AP1AR: variants seen among roughly 807,000 people sequenced by gnomAD.
AP1AR encodes the protein AP-1 complex-associated regulatory protein.
AP1AR carries 29 observed loss-of-function variants against 46.3 expected under a neutral mutation model. The ratio of observed to expected loss-of-function variants is 0.63; its 90% confidence interval spans 0.47 to 0.85. The LOEUF (loss-of-function observed/expected upper bound fraction) is 0.85. Among genes scored for constraint, AP1AR ranks in the 40% least tolerant of loss-of-function variants. AP1AR has a pLI of 0.00. For synonymous variants in AP1AR, 122 were observed against 122.9 expected, an observed-to-expected ratio of 0.99 and a Z score of 0.05; for missense variants, 357 against 356.3, an observed-to-expected ratio of 1.00 and a Z score of -0.02.
intron 1 of AP1AR, 101 bp downstream of exon 1, chr4:112,232,275 C>G (rs1209209864): frequency 3.4e-5 from 35 of 1,026,054 alleles, no homozygotes; most frequent in Non-Finnish European, 4.4e-5. Context: ...AGGTGGCGGT[C>G]GAGAGCCCTG....
At position 112,270,735 on chromosome 4, in the gene AP1AR, A is replaced by C. The variant is rs1364767744; in HGVS notation, c.*2326A>C. Reference sequence around the variant, plus strand: ...AATGAAGCATCATGAGTGAGGGGGAAGAGTGGTATGAGATGATACTGGAGT... The same window carrying C: ...AATGAAGCATCATGAGTGAGGGGGACGAGTGGTATGAGATGATACTGGAGT... On this transcript the variant is annotated 3_prime_UTR_variant, in exon 10 of 10. Transcript: ENST00000274000. Among the ~76,000 whole-genome samples the C allele has an allele frequency of 6.6e-6, 1 of 152,206 alleles. No individual in the cohort carries two copies. The highest frequency in any genetic ancestry group is 1.5e-5 in the Non-Finnish European group (1 of 68,028).
chr4:112,238,762 C>T lies in AP1AR; in HGVS notation c.83+6588C>T, dbSNP rs141450847. On this transcript the variant is annotated intron_variant, in intron 1 of 9. Coordinates refer to ENST00000274000, the MANE Select transcript of AP1AR (RefSeq NM_018569.6). Reference sequence around the variant, plus strand: ...CCTACTACTTATATGCTAATAAGTTCAGTCATCTCAGTCTGAGCTCTGAAA... The same window carrying T: ...CCTACTACTTATATGCTAATAAGTTTAGTCATCTCAGTCTGAGCTCTGAAA... Among the ~76,000 whole-genome samples, 964 of 152,254 alleles carry T rather than the reference C, an allele frequency of 6.3e-3. 4 individuals carry two copies. Among genetic ancestry groups the T allele is most frequent in the African/African-American group, 0.017 (717 of 41,544 alleles).
Position 112,232,147 on chromosome 4 carries a change from G to A in AP1AR, c.56G>A (p.Arg19Gln). The A allele has an allele frequency of 7.8e-7, 1 of 1,282,140 alleles. No homozygotes were observed. Among genetic ancestry groups the A allele is most frequent in the South Asian group, 2.7e-5 (1 of 36,790 alleles). The allele number at this position is 1,282,140 out of a possible 1,614,324, so 79.4% of individuals were successfully genotyped here. Residue 19 changes from arginine to glutamine, a missense_variant, in exon 1 of 10, where the codon CGG becomes CAG. Around this residue, in one of 2 missense-constraint regions of AP1AR, gnomAD observed 269 missense variants for 223.6 expected, o/e 1.20. Coordinates refer to ENST00000274000, the MANE Select transcript of AP1AR (RefSeq NM_018569.6). ...CFGLLRKEAG[R>Q]LQRVGGGGGS... ...GGACTGCTTCGCAAGGAAGCGGGGCGGCTGCAGCGAGTAGGCGGCGGCGGA... is the reference window on the plus strand; with the variant it reads ...GGACTGCTTCGCAAGGAAGCGGGGCAGCTGCAGCGAGTAGGCGGCGGCGGA...
chr4:112,253,336 T>G, intron 2 of AP1AR, 80 bp downstream of exon 2: 1 of 1,021,242 alleles, frequency 9.8e-7, no homozygotes, highest in African/African-American at 1.6e-5. Context: ...GAGGGAAAGA[T>G]CTGGACCCAA....
intron 4 of AP1AR, among the ~76,000 whole-genome samples, chr4:112,259,717 T>A (rs1433645904): frequency 2.0e-5 from 3 of 152,078 alleles, no homozygotes; most frequent in Non-Finnish European, 4.4e-5. Context: ...AGGTACTAAT[T>A]GATAGAACAA....
intron 1 of AP1AR, 99 bp downstream of exon 1, chr4:112,232,273 G>A: frequency 1.9e-6 from 2 of 1,050,374 alleles, no homozygotes; most frequent in Non-Finnish European, 2.5e-6. Context: ...GGAGGTGGCG[G>A]TCGAGAGCCC....
Position 112,270,856 on chromosome 4 carries a change from G to T in AP1AR, c.*2447G>T, listed in dbSNP as rs942215249. On this transcript the variant is annotated 3_prime_UTR_variant, in exon 10 of 10. Transcript: ENST00000274000. Reference sequence around the variant, plus strand: ...GCCACTGAAATTTTTTGTAAGCAAGGATGTACAGTCATCATATACACATTT... The same window carrying T: ...GCCACTGAAATTTTTTGTAAGCAAGTATGTACAGTCATCATATACACATTT... Among the ~76,000 whole-genome samples, 1 of 152,190 alleles carries T rather than the reference G, an allele frequency of 6.6e-6. No individual in the cohort carries two copies. The highest frequency in any genetic ancestry group is 2.4e-5 in the African/African-American group (1 of 41,450).
intron 2 of AP1AR, among the ~76,000 whole-genome samples, chr4:112,254,342 G>C (rs1033223665): frequency 6.6e-6 from 1 of 152,004 alleles, no homozygotes; most frequent in African/African-American, 2.4e-5. Flanking sequence ...ATTCTTATTT[G>C]GTATCTTTTA....
chr4:112,264,870 A>G (rs1726607630), intron 6 of AP1AR, 139 bp from the exon 7 acceptor site: 4 of 653,946 alleles, frequency 6.1e-6, no homozygotes, highest in Admixed American at 3.5e-5. Flanking sequence ...ATAGTGATGG[A>G]TTTAAGGAAA....
chr4:112,236,255 ACTCT>A (rs1174405976), intron 1 of AP1AR, among the ~76,000 whole-genome samples: 1 of 151,124 alleles, frequency 6.6e-6, no homozygotes, highest in Non-Finnish European at 1.5e-5. Context: ...CTTCCAGACT[ACTCT>A]CTCTATTGTA....
At position 112,256,235 on chromosome 4, in the gene AP1AR, A is replaced by G. The variant is rs535321457; in HGVS notation, c.159+1462A>G. On this transcript the variant is annotated intron_variant, in intron 3 of 9. Coordinates refer to ENST00000274000, the MANE Select transcript of AP1AR (RefSeq NM_018569.6). The stretch of plus-strand genomic sequence containing the variant: ...ATACATATTTTTCATCTGATAGGAC[A>G]CATTTTGGAAACTATTTTAGCCGTT... 2.4e-4 allele frequency among the ~76,000 whole-genome samples: 37 copies of G among 152,332 alleles called. No individual in the cohort carries two copies. In the South Asian group the frequency reaches 5.2e-3, roughly 21 times the overall value.
intron 6 of AP1AR, 64 bp from the exon 7 acceptor site, chr4:112,264,945 A>G: frequency 1.2e-5 from 15 of 1,244,892 alleles, no homozygotes; most frequent in Middle Eastern, 4.2e-4. Context: ...GTGTTGCATG[A>G]GTGGTTTTAA....
chr4:112,263,966 TATAAAGATCATGTCACATTGTAAA>T (rs964048788), intron 6 of AP1AR, among the ~76,000 whole-genome samples: 9 of 152,222 alleles, frequency 5.9e-5, no homozygotes, highest in Non-Finnish European at 1.2e-4. Flanking sequence ...ACTGAAGTAG[TATAAAGATCATGTCACATTGTAAA>T]ACTTAGAGAA....
At chr4:112,260,681 A>T in intron 4 of AP1AR, 85 bp from the exon 5 acceptor site, 1 of 820,758 alleles carries the variant, frequency 1.2e-6, no homozygotes, top group Non-Finnish European at 1.8e-6. Flanking sequence ...TGAGAATTTC[A>T]CTGGCTTTTT....
intron 1 of AP1AR, among the ~76,000 whole-genome samples, chr4:112,241,183 G>C (rs1168574616): frequency 6.6e-6 from 1 of 152,078 alleles, no homozygotes; most frequent in Admixed American, 6.5e-5. Flanking sequence ...CATATTCTTC[G>C]TAAACGTGTC....
chr4:112,264,116 A>G (rs184057318), intron 6 of AP1AR, among the ~76,000 whole-genome samples: 1 of 152,218 alleles, frequency 6.6e-6, no homozygotes, highest in East Asian at 1.9e-4. Flanking sequence ...AGCAGATTAT[A>G]TGAAGGAATA....
intron 1 of AP1AR, among the ~76,000 whole-genome samples, chr4:112,233,214 A>G (rs1725094941): frequency 6.6e-6 from 1 of 152,202 alleles, no homozygotes; most frequent in African/African-American, 2.4e-5. Flanking sequence ...CATAATTTGA[A>G]TCTTTGGTAA....
chr4:112,252,415 A>G (rs1011548204), intron 1 of AP1AR, among the ~76,000 whole-genome samples: 4 of 152,348 alleles, frequency 2.6e-5, no homozygotes, highest in African/African-American at 9.6e-5. Context: ...CTGTAACAGG[A>G]GCCACATTAT....
Position 112,266,879 on chromosome 4 carries a change from T to C in AP1AR, c.643+163T>C, listed in dbSNP as rs987999666. The C allele has an allele frequency of 1.1e-4, 63 of 566,606 alleles. 1 individual carries two copies. The highest frequency in any genetic ancestry group is 7.2e-4 in the Admixed American group (18 of 25,044). The allele number at this position is 566,606 out of a possible 1,614,324, so 35.1% of individuals were successfully genotyped here. A position where few individuals can be genotyped will look rare whatever the true frequency, so the allele number is the denominator to read the frequency against. On this transcript the variant is annotated intron_variant, in intron 9 of 9. Coordinates refer to ENST00000274000, the MANE Select transcript of AP1AR (RefSeq NM_018569.6). ...TTGTATTGGTGATGATCTCTGTTGA[T>C]AAAAATTTTTAGAAAATTGCTTAAT...
Sources: gnomAD v4.1 joint callset for allele counts (sites outside exome capture counted in the v4.1 genomes callset) on GRCh38, gnomAD v4.1.1 for gene constraint, gnomAD v4.1.1 regional missense constraint, MANE v1.5 for transcripts, NCBI Gene and HGNC (gene_info 2026-07-23, HGNC 2026-07-21) for gene names.